FAM184B: variants seen among roughly 807,000 people sequenced by gnomAD.
The protein encoded by FAM184B is protein FAM184B.
FAM184B carries 111 observed loss-of-function variants against 135.9 expected under a neutral mutation model. That is an observed-to-expected ratio of 0.82 (90% CI 0.70 to 0.96). The LOEUF is 0.96. Ranked by LOEUF, FAM184B falls within the 40% of genes least tolerant of loss-of-function variation. The probability of loss-of-function intolerance (pLI) is 0.00; values close to 1 mark genes in which losing one functional copy is unlikely to be tolerated. For missense variants in FAM184B, 1,375 were observed against 1,323.9 expected, an observed-to-expected ratio of 1.04 and a Z score of -0.60; for synonymous variants, 552 against 524.8, an observed-to-expected ratio of 1.05 and a Z score of -0.71.
intron 10 of FAM184B, among the ~76,000 whole-genome samples, chr4:17,653,927 G>GAGAGAGA (rs1469750605): frequency 2.6e-4 from 4 of 15,240 alleles, no homozygotes; most frequent in African/African-American, 7.8e-4. Flanking sequence ...AGAGGGAGGG[G>GAGAGAGA]GAGGGGGATT....
intron 1 of FAM184B, among the ~76,000 whole-genome samples, chr4:17,754,321 G>A (rs2108989672): frequency 6.6e-6 from 1 of 152,240 alleles, no homozygotes; most frequent in Non-Finnish European, 1.5e-5. Flanking sequence ...GGAGGCCGAG[G>A]CAGGTAGATC....
At chr4:17,662,381 AG>A (rs1429150423) in intron 8 of FAM184B, among the ~76,000 whole-genome samples, 1 of 151,670 alleles carries the variant, frequency 6.6e-6, no homozygotes, top group East Asian at 1.9e-4. Context: ...TCTGTCACAC[AG>A]GCTGGAGTGC....
chr4:17,712,984 T>C (rs1717319287), intron 1 of FAM184B, among the ~76,000 whole-genome samples: 1 of 152,154 alleles, frequency 6.6e-6, no homozygotes. Context: ...AGGCTGCAGA[T>C]GTTGAAGAAA....
intron 7 of FAM184B, among the ~76,000 whole-genome samples, chr4:17,684,865 A>G (rs938055385): frequency 8.5e-5 from 13 of 152,196 alleles, no homozygotes; most frequent in African/African-American, 3.1e-4. Flanking sequence ...ATGCAGCCAT[A>G]AAAAGGAATG....
Position 17,636,560 on chromosome 4 carries a change from TCAGGCG to T in FAM184B, c.2746_2751del (p.Arg916_Leu917del), listed in dbSNP as rs1459975247. 36 of 1,550,908 alleles carry T rather than the reference TCAGGCG, an allele frequency of 2.3e-5. No individual in the cohort carries two copies. Among genetic ancestry groups the T allele is most frequent in the Non-Finnish European group, 3.1e-5 (35 of 1,146,904 alleles). The stretch of plus-strand genomic sequence containing the variant: ...TGCTTGATGATGTCCTCTCTCTCCT[TCAGGCG>T]GGTCTGCAGGCGGCCAATGAGCTGA... On this transcript the variant is annotated inframe_deletion, in exon 15 of 18. Transcript: ENST00000265018.
At chr4:17,682,791 G>A (rs931828337) in intron 7 of FAM184B, among the ~76,000 whole-genome samples, 7 of 152,140 alleles carry the variant, frequency 4.6e-5, no homozygotes, top group African/African-American at 1.4e-4. Flanking sequence ...GAGCCACTGC[G>A]CCTGGACTGT....
chr4:17,741,600 A>T lies in FAM184B; in HGVS notation c.142-31956T>A, dbSNP rs544325431. Among the ~76,000 whole-genome samples, 15 of 152,312 alleles carry T rather than the reference A, an allele frequency of 9.8e-5. No individual in the cohort carries two copies. The South Asian group carries it at 2.7e-3, about 27-fold the overall frequency. On this transcript the variant is annotated intron_variant, in intron 1 of 17. Transcript: ENST00000265018. The stretch of plus-strand genomic sequence containing the variant: ...TCCCAGCTACTCGGGAGGCTGAGAC[A>T]CAAGAATCGATTAACCCAGGAGGCG...
rs1447560739 is a variant in FAM184B, at chr4:17,631,983, A to G, written c.*549T>C. On this transcript the variant is annotated 3_prime_UTR_variant, in exon 18 of 18. Transcript: ENST00000265018. ...ACACTAGAAATACAAGGTATGGGTC[A>G]TTAGTAACGCTAATAACATTTTCCT... 2.6e-5 allele frequency: 4 copies of G among 151,214 alleles called. No homozygotes were observed. The highest frequency in any genetic ancestry group is 9.7e-5 in the African/African-American group (4 of 41,152). The allele number at this position is 151,214 out of a possible 1,614,324, so 9.4% of individuals were successfully genotyped here.
intron 7 of FAM184B, among the ~76,000 whole-genome samples, chr4:17,669,628 T>C (rs1716125933): frequency 6.6e-6 from 1 of 152,208 alleles, no homozygotes. Context: ...AGAGCTCTTC[T>C]GATAAAAGGA....
At chr4:17,699,267 A>G (rs1716931606) in intron 5 of FAM184B, among the ~76,000 whole-genome samples, 1 of 149,656 alleles carries the variant, frequency 6.7e-6, no homozygotes, top group South Asian at 2.1e-4. Context: ...TTGTGGGACA[A>G]TATTAGAAGA....
chr4:17,749,104 G>T lies in FAM184B; in HGVS notation c.141+32055C>A, dbSNP rs114148263. ...CTACTTCAACCTCCTGAGTAGCTGG[G>T]ATTACAGGCAGAGCCACTATGCTCA... On this transcript the variant is annotated intron_variant, in intron 1 of 17. Coordinates refer to ENST00000265018, the MANE Select transcript of FAM184B (RefSeq NM_015688.2). 8.2e-3 allele frequency among the ~76,000 whole-genome samples: 1,247 copies of T among 151,552 alleles called. 20 individuals are homozygous for T. Among genetic ancestry groups the T allele is most frequent in the African/African-American group, 0.028 (1,162 of 41,286 alleles).
chr4:17,696,311 A>G (rs531012242), intron 5 of FAM184B, among the ~76,000 whole-genome samples: 1 of 152,334 alleles, frequency 6.6e-6, no homozygotes, highest in Non-Finnish European at 1.5e-5. Context: ...AGTTCCTAGT[A>G]CAGAAAAATG....
rs1717189895 is a variant in FAM184B, at chr4:17,709,144, G to A, written c.642C>T (p.Tyr214=). ...CCTGCAGCTCCTCGGCCTTGCGGGC[G>A]TAGTCCTTGCTCAGCTGCTGGTTCT... ...RVENQQLSKD[Y]ARKAEELQAT... is the part of the protein sequence containing the mutation. Residue 214 remains tyrosine, a synonymous_variant, in exon 2 of 18, where the codon TAC becomes TAT. Transcript: ENST00000265018. The A allele has an allele frequency of 3.2e-6, 5 of 1,548,134 alleles. No individual in the cohort carries two copies. Among genetic ancestry groups the A allele is most frequent in the African/African-American group, 1.4e-5 (1 of 73,020 alleles).
At chr4:17,654,113 A>T (rs967345122) in intron 10 of FAM184B, among the ~76,000 whole-genome samples, 2 of 151,960 alleles carry the variant, frequency 1.3e-5, no homozygotes, top group African/African-American at 4.8e-5. Context: ...GAATTGTCAG[A>T]TAATAAATCT....
In FAM184B at chr4:17,693,296, G is replaced by A. The variant is rs1716778222; in HGVS notation, c.1488+6C>T. ...ACCCCAAGGCTTGCATTTGGTCAGG[G>A]CTCACCTCAAGCAGAGAATTCTGAA... is the stretch of plus-strand genomic sequence containing the variant. On this transcript the variant is annotated splice_donor_region_variant and intron_variant, in intron 6 of 17. Transcript: ENST00000265018. 2 of 1,546,392 alleles carry A rather than the reference G, an allele frequency of 1.3e-6. No individual in the cohort carries two copies. Among genetic ancestry groups the A allele is most frequent in the Non-Finnish European group, 1.8e-6 (2 of 1,142,420 alleles).
chr4:17,686,399 C>T (rs1716587345), intron 7 of FAM184B, among the ~76,000 whole-genome samples: 1 of 152,232 alleles, frequency 6.6e-6, no homozygotes, highest in Non-Finnish European at 1.5e-5. Flanking sequence ...CTCCCTTAAT[C>T]TGGGTGTCAG....
At chr4:17,732,207 G>A (rs1182352092) in intron 1 of FAM184B, among the ~76,000 whole-genome samples, 1 of 152,172 alleles carries the variant, frequency 6.6e-6, no homozygotes. Context: ...GAAATTTATA[G>A]CACTAAATGC....
chr4:17,765,148 G>A (rs1212176499), intron 1 of FAM184B, among the ~76,000 whole-genome samples: 1 of 152,216 alleles, frequency 6.6e-6, no homozygotes, highest in East Asian at 1.9e-4. Context: ...TGGATGGTGG[G>A]AGGAGAAAGT....
At chr4:17,693,794 C>G (rs1044292663) in intron 5 of FAM184B, among the ~76,000 whole-genome samples, 1 of 152,110 alleles carries the variant, frequency 6.6e-6, no homozygotes, top group Non-Finnish European at 1.5e-5. Context: ...AATTTCTTCT[C>G]AACAGCATCC....
Sources: allele counts gnomAD v4.1 joint callset (sites outside exome capture counted in the v4.1 genomes callset), GRCh38; gene constraint gnomAD v4.1.1; transcripts MANE v1.5; gene names NCBI Gene and HGNC (gene_info 2026-07-23, HGNC 2026-07-21).